TANC1: variants seen among roughly 807,000 people sequenced by gnomAD.
TANC1 encodes protein TANC1.
A neutral mutation model predicts 149.7 loss-of-function variants in TANC1; 77 were observed. The ratio of observed to expected loss-of-function variants is 0.51; its 90% CI spans 0.43 to 0.62. The LOEUF (loss-of-function observed/expected upper bound fraction) is 0.62. Among genes scored for constraint, TANC1 ranks in the 20% least tolerant of loss-of-function variants. The probability of loss-of-function intolerance (pLI) is 0.00; values close to 1 mark genes in which losing one functional copy is unlikely to be tolerated. For synonymous variants in TANC1, 854 were observed against 925.0 expected (o/e 0.92, Z 1.39); for missense variants, 1,985 against 2,321.8 (o/e 0.85, Z 2.98).
At chr2:159,062,525 A>G (rs2042305000) in intron 2 of TANC1, among the ~76,000 whole-genome samples, 1 of 152,190 alleles carries the variant, frequency 6.6e-6, no homozygotes, top group Non-Finnish European at 1.5e-5. Context: ...ATGATGCAGA[A>G]GAGGAGAGCC....
chr2:159,135,618 G>T (rs913650760), intron 4 of TANC1, among the ~76,000 whole-genome samples: 14 of 152,236 alleles, frequency 9.2e-5, no homozygotes, highest in African/African-American at 3.4e-4. Flanking sequence ...TGTCTGACCC[G>T]CTTGCTGGCT....
Position 159,175,130 on chromosome 2 carries a change from C to T in TANC1, c.1681C>T (p.Pro561Ser), listed in dbSNP as rs753831490. 6.2e-7 allele frequency: 1 copy of T among 1,614,128 alleles called. No homozygotes were observed. The highest frequency in any genetic ancestry group is 1.7e-5 in the Admixed American group (1 of 60,028). ...MLSLRSCVQD[P>S]VAAFKRGVLE... ...GAGCCTCCGATCCTGTGTGCAGGAC[C>T]CGGTGGCAGCTTTCAAGAGGGGAGT... The change falls in exon 12 of 27, where the codon CCG becomes TCG. Residue 561 changes from proline (P) to serine (S), a missense_variant. By Grantham distance (74) the Pro-to-Ser change is moderately conservative. Coordinates refer to ENST00000263635, the MANE Select transcript of TANC1 (RefSeq NM_033394.3).
At chr2:159,057,519 C>G (rs2041940864) in intron 2 of TANC1, among the ~76,000 whole-genome samples, 1 of 152,236 alleles carries the variant, frequency 6.6e-6, no homozygotes, top group Admixed American at 6.5e-5. Flanking sequence ...CTGCCACTTG[C>G]TGGTCCAGGA....
At chr2:159,137,349 G>A (rs2050867757) in intron 5 of TANC1, among the ~76,000 whole-genome samples, 1 of 152,200 alleles carries the variant, frequency 6.6e-6, no homozygotes, top group Admixed American at 6.5e-5. Flanking sequence ...AGCAAAAGCT[G>A]AAAACTGGGA....
intron 22 of TANC1, among the ~76,000 whole-genome samples, chr2:159,221,982 A>T (rs1447318408): frequency 1.3e-5 from 2 of 152,238 alleles, no homozygotes; most frequent in Non-Finnish European, 2.9e-5. Context: ...GACTAGCTGG[A>T]GAGACAGATG....
At chr2:158,993,887 C>G (rs2035908318) in intron 1 of TANC1, among the ~76,000 whole-genome samples, 1 of 152,194 alleles carries the variant, frequency 6.6e-6, no homozygotes, top group South Asian at 2.1e-4. Context: ...TGAATGCCTT[C>G]TGTATGAATG....
At chr2:159,145,778 T>C (rs766559370) in intron 5 of TANC1, among the ~76,000 whole-genome samples, 2 of 152,196 alleles carry the variant, frequency 1.3e-5, no homozygotes, top group Non-Finnish European at 2.9e-5. Flanking sequence ...TCCATGAATG[T>C]GCTGCTGGGG....
intron 2 of TANC1, among the ~76,000 whole-genome samples, chr2:159,016,067 C>T (rs527900685): frequency 6.6e-6 from 1 of 152,122 alleles, no homozygotes; most frequent in African/African-American, 2.4e-5. Context: ...TGAATTAGTC[C>T]ATTTTCACAC....
At chr2:159,223,450 G>T (rs570186096) in intron 22 of TANC1, among the ~76,000 whole-genome samples, 5 of 152,246 alleles carry the variant, frequency 3.3e-5, no homozygotes, top group African/African-American at 1.2e-4. Context: ...TTGTAGTTGG[G>T]TTGTAGTTCT....
chr2:159,219,265 T>C lies in TANC1; in HGVS notation c.3406T>C (p.Cys1136Arg), dbSNP rs1182484527. 2 of 1,614,064 alleles carry C rather than the reference T, an allele frequency of 1.2e-6. No individual in the cohort carries two copies. The highest frequency in any genetic ancestry group is 1.3e-5 in the African/African-American group (1 of 74,940). Reference protein sequence around the residue: ...QIVRLLLERGCDVNLSDKQGR... With the variant: ...QIVRLLLERGRDVNLSDKQGR... ...TGTTAGACTGCTGTTGGAACGCGGC[T>C]GTGATGTGAACCTAAGTGACAAGCA... The change falls in exon 21 of 27, where the codon TGT becomes CGT. Residue 1136 changes from cysteine to arginine, a missense_variant. Physicochemically the swap from Cys to Arg is radical, Grantham distance 180. Around this residue, in one of 3 missense-constraint regions of TANC1, gnomAD observed 920 missense variants for 994.7 expected, o/e 0.92. Transcript: ENST00000263635.
Position 159,091,962 on chromosome 2 carries a change from AG to A in TANC1, c.62-5667del, listed in dbSNP as rs56038534. 9.2e-3 allele frequency among the ~76,000 whole-genome samples: 1,292 copies of A among 140,012 alleles called. 23 individuals are homozygous for A. Among genetic ancestry groups the A allele is most frequent in the African/African-American group, 0.035 (1,220 of 34,438 alleles). 91.9% of individuals were successfully genotyped at this position (140,012 alleles called of 152,430 possible). A position where few individuals can be genotyped will look rare whatever the true frequency, so the allele number is the denominator to read the frequency against. On this transcript the variant is annotated intron_variant, in intron 3 of 26. Coordinates refer to ENST00000263635, the MANE Select transcript of TANC1 (RefSeq NM_033394.3). ...AAATCTTTCAGTTTTCTGTAAATATAGGGGGGGGTGTGTGTGTGTATGTATG... is the reference window on the plus strand; with the variant it reads ...AAATCTTTCAGTTTTCTGTAAATATAGGGGGGGTGTGTGTGTGTATGTATG...
intron 2 of TANC1, among the ~76,000 whole-genome samples, chr2:159,018,092 G>A (rs958909796): frequency 6.6e-6 from 1 of 152,160 alleles, no homozygotes; most frequent in African/African-American, 2.4e-5. Flanking sequence ...GTTACATAGT[G>A]CTTGGCAGGA....
chr2:159,126,040 T>G (rs1219588584), intron 4 of TANC1, among the ~76,000 whole-genome samples: 2 of 152,200 alleles, frequency 1.3e-5, no homozygotes, highest in Non-Finnish European at 2.9e-5. Context: ...CCTCCTGCCT[T>G]TTCTCACTTC....
At chr2:159,183,999 GA>G (rs1435168576) in intron 14 of TANC1, among the ~76,000 whole-genome samples, 4 of 152,206 alleles carry the variant, frequency 2.6e-5, no homozygotes, top group African/African-American at 9.7e-5. Flanking sequence ...GTGTAGCTGT[GA>G]ATGAATGGAG....
chr2:159,203,745 T>C (rs1323696372), intron 19 of TANC1, among the ~76,000 whole-genome samples: 2 of 151,974 alleles, frequency 1.3e-5, no homozygotes, highest in Non-Finnish European at 2.9e-5. Flanking sequence ...TTTTGTATTT[T>C]TTTGTAGAGA....
At chr2:159,098,678 T>C (rs2046373952) in intron 4 of TANC1, among the ~76,000 whole-genome samples, 1 of 152,236 alleles carries the variant, frequency 6.6e-6, no homozygotes, top group African/African-American at 2.4e-5. Context: ...TTATTCCTAT[T>C]ATACTTTGGA....
chr2:159,065,814 A>AGT (rs2042606254), intron 2 of TANC1, 82 bp from the exon 3 acceptor site: 1 of 1,132,262 alleles, frequency 8.8e-7, no homozygotes, highest in African/African-American at 1.5e-5. Context: ...TTTGAACACA[A>AGT]GTTACCTCTT....
intron 3 of TANC1, among the ~76,000 whole-genome samples, chr2:159,076,800 G>A (rs1328055372): frequency 6.6e-6 from 1 of 152,148 alleles, no homozygotes; most frequent in Non-Finnish European, 1.5e-5. Context: ...AGCAAAGATG[G>A]ACTCAGAGTG....
intron 2 of TANC1, among the ~76,000 whole-genome samples, chr2:159,042,141 G>A (rs2040694200): frequency 6.6e-6 from 1 of 152,140 alleles, no homozygotes; most frequent in South Asian, 2.1e-4. Flanking sequence ...AAGTCCTGGT[G>A]GGGAAGGCAG....
Sources: allele counts gnomAD v4.1 joint callset (sites outside exome capture counted in the v4.1 genomes callset), GRCh38; gene constraint gnomAD v4.1.1; regional missense constraint gnomAD v4.1.1; transcripts MANE v1.5; gene names NCBI Gene and HGNC (gene_info 2026-07-23, HGNC 2026-07-21).